The following E2F3 variants were observed in gnomAD, a reference collection of about 807,000 sequenced individuals.
E2F3 encodes transcription factor E2F3.
In E2F3, 11 loss-of-function variants were observed where a neutral mutation model predicts 44.4. The observed-to-expected ratio is 0.25, with a 90% CI of 0.16 to 0.41. E2F3 has a LOEUF of 0.41. E2F3 is among the 10% of genes least tolerant of loss of function. E2F3 has a pLI of 1.00. For synonymous variants in E2F3, 249 were observed against 253.0 expected (o/e 0.98, Z 0.15); for missense variants, 487 against 583.6 (o/e 0.83, Z 1.70).
chr6:20,453,157 C>A (rs903763545), intron 1 of E2F3, among the ~76,000 whole-genome samples: 1 of 151,914 alleles, frequency 6.6e-6, no homozygotes, highest in Non-Finnish European at 1.5e-5. Flanking sequence ...TCAAATTTTT[C>A]TTGGTTTATC....
Position 20,490,058 on chromosome 6 carries a change from A to G in E2F3, c.1136-110A>G, listed in dbSNP as rs1179731698. ...ATCATAAAGTCGTCTCATTGTCATT[A>G]TTTGCGGAAGGTACATGCTTTTTTC... On this transcript the variant is annotated intron_variant, in intron 6 of 6. Coordinates refer to ENST00000346618, the MANE Select transcript of E2F3 (RefSeq NM_001949.5). The surrounding 1 kb of genome is among the most constrained non-coding windows in gnomAD (Gnocchi z 4.3). The G allele has an allele frequency of 1.9e-5, 23 of 1,233,134 alleles. No individual in the cohort carries two copies. The highest frequency in any genetic ancestry group is 2.6e-5 in the Admixed American group (1 of 38,598). 76.4% of individuals were successfully genotyped at this position (1,233,134 alleles called of 1,614,324 possible). A position where few individuals can be genotyped will look rare whatever the true frequency, so the allele number is the denominator to read the frequency against.
At chr6:20,403,183 C>T (rs1291279987) in intron 1 of E2F3, among the ~76,000 whole-genome samples, 2 of 151,632 alleles carry the variant, frequency 1.3e-5, no homozygotes, top group African/African-American at 4.8e-5. Flanking sequence ...ATCTGTAACT[C>T]CCGGCAACAA....
At chr6:20,403,072 C>T (rs1371024612) in intron 1 of E2F3, among the ~76,000 whole-genome samples, 1 of 151,986 alleles carries the variant, frequency 6.6e-6, no homozygotes, top group Non-Finnish European at 1.5e-5. Context: ...TGTTGGGGTG[C>T]TAGCCCCCAG....
intron 1 of E2F3, among the ~76,000 whole-genome samples, chr6:20,460,996 CAAAAAAAAAAAAA>C (rs61306918): frequency 6.1e-4 from 34 of 55,500 alleles, no homozygotes; most frequent in African/African-American, 2.5e-3. Context: ...ACTCTATCTC[CAAAAAAAAAAAAA>C]AAAAAAAAAA....
chr6:20,481,444 C>T lies in E2F3; in HGVS notation c.725+19C>T, dbSNP rs1197528271. On this transcript the variant is annotated intron_variant, in intron 3 of 6. Transcript: ENST00000346618. ...AATGGATGTGAGTAGGAGTCCTCCC[C>T]ATGCCCCGGCTCTGAGGGGGTCGTT... 1.2e-6 allele frequency: 2 copies of T among 1,611,630 alleles called. No homozygotes were observed. Among genetic ancestry groups the T allele is most frequent in the South Asian group, 1.1e-5 (1 of 90,996 alleles).
Position 20,402,418 on chromosome 6 carries a change from C to G in E2F3, c.186C>G (p.Thr62=). 6.2e-7 allele frequency: 1 copy of G among 1,611,768 alleles called. No individual in the cohort carries two copies. Among genetic ancestry groups the G allele is most frequent in the Non-Finnish European group, 8.5e-7 (1 of 1,179,444 alleles). ...AAPGAYIQIL[T]TNTSTTSCSS... Reference sequence around the variant, plus strand: ...CGGGCGCGTACATCCAGATCCTCACCACGAACACTTCCACCACCTCCTGTT... The same window carrying G: ...CGGGCGCGTACATCCAGATCCTCACGACGAACACTTCCACCACCTCCTGTT... The change falls in exon 1 of 7, where the codon ACC becomes ACG. Residue 62 remains threonine, a synonymous_variant. Coordinates refer to ENST00000346618, the MANE Select transcript of E2F3 (RefSeq NM_001949.5). This position sits in a 1 kb window ranked among gnomAD's most constrained non-coding sequence, Gnocchi z 5.6.
chr6:20,436,496 A>G (rs34254372), intron 1 of E2F3, among the ~76,000 whole-genome samples: 59,159 of 112,632 alleles, frequency 0.53, 12,978 homozygotes, highest in Non-Finnish European at 0.67. Context: ...GAGAGAGAGA[A>G]AAATTTTGTA....
At chr6:20,405,317 ATG>A (rs1759455767) in intron 1 of E2F3, among the ~76,000 whole-genome samples, 1 of 151,094 alleles carries the variant, frequency 6.6e-6, no homozygotes, top group African/African-American at 2.4e-5. Context: ...TATGATTGCA[ATG>A]TATGCTGAAT....
rs574716025 is a variant in E2F3 at position 20,426,898 on chromosome 6, T to A, written c.393+24273T>A. Reference sequence around the variant, plus strand: ...ACTGTAGCTCCACTGTGCTGATATCTGTTGAAATTAGACCTAGAATCTAAA... The same window carrying A: ...ACTGTAGCTCCACTGTGCTGATATCAGTTGAAATTAGACCTAGAATCTAAA... On this transcript the variant is annotated intron_variant, in intron 1 of 6. Transcript: ENST00000346618. Among the ~76,000 whole-genome samples the A allele has an allele frequency of 3.9e-5, 6 of 152,358 alleles. No individual in the cohort carries two copies. The East Asian group carries it at 1.2e-3, about 29-fold the overall frequency.
In E2F3 at chr6:20,402,435, C is replaced by T. The variant is rs538615855; in HGVS notation, c.203C>T (p.Thr68Ile). Residue 68 changes from threonine (T) to isoleucine (I), a missense_variant, in exon 1 of 7, where the codon ACC becomes ATC. By Grantham distance (89) the Thr-to-Ile change is moderately conservative. Coordinates refer to ENST00000346618, the MANE Select transcript of E2F3 (RefSeq NM_001949.5). The surrounding 1 kb of genome is among the most constrained non-coding windows in gnomAD (Gnocchi z 5.6). ...ATCCTCACCACGAACACTTCCACCACCTCCTGTTCCTCCTCCCTCCAAAGC... is the reference window on the plus strand; with the variant it reads ...ATCCTCACCACGAACACTTCCACCATCTCCTGTTCCTCCTCCCTCCAAAGC... ...IQILTTNTSTTSCSSSLQSGA... is the reference protein window; with the variant it reads ...IQILTTNTSTISCSSSLQSGA... 6.5e-5 allele frequency: 105 copies of T among 1,611,610 alleles called. 1 individual carries two copies. The East Asian group carries it at 1.5e-3, about 23-fold the overall frequency.
At chr6:20,420,258 A>G (rs1039663510) in intron 1 of E2F3, among the ~76,000 whole-genome samples, 2 of 152,192 alleles carry the variant, frequency 1.3e-5, no homozygotes, top group Non-Finnish European at 2.9e-5. Flanking sequence ...GGGTGTGATT[A>G]TTGTCCACAT....
At chr6:20,429,172 C>T (rs1760314618) in intron 1 of E2F3, among the ~76,000 whole-genome samples, 1 of 152,196 alleles carries the variant, frequency 6.6e-6, no homozygotes, top group South Asian at 2.1e-4. Flanking sequence ...ACAAGTCTTG[C>T]TCTCAGATAA....
chr6:20,472,774 C>A (rs1289802937), intron 1 of E2F3, among the ~76,000 whole-genome samples: 4 of 152,164 alleles, frequency 2.6e-5, no homozygotes, highest in Admixed American at 1.3e-4. Context: ...ATACCTACCC[C>A]ACAATGCCAG....
At chr6:20,463,468 C>A (rs1286426315) in intron 1 of E2F3, among the ~76,000 whole-genome samples, 1 of 152,212 alleles carries the variant, frequency 6.6e-6, no homozygotes, top group East Asian at 1.9e-4. Flanking sequence ...TCGCCTAGAT[C>A]TGTTTTCCAT....
chr6:20,489,070 A>G (rs572950207), intron 6 of E2F3, among the ~76,000 whole-genome samples: 3 of 152,294 alleles, frequency 2.0e-5, no homozygotes, highest in African/African-American at 4.8e-5. Flanking sequence ...TTTGCAGTAT[A>G]TATTTTTCCA....
chr6:20,491,797 A>C lies in E2F3; in HGVS notation c.*1367A>C, dbSNP rs1424752313. On this transcript the variant is annotated 3_prime_UTR_variant, in exon 7 of 7. Transcript: ENST00000346618. ...CTCTATGAAGGAATAAGTTGGACCAAGGGAAGTCGGGGACGTAAAAAATGA... is the reference window on the plus strand; with the variant it reads ...CTCTATGAAGGAATAAGTTGGACCACGGGAAGTCGGGGACGTAAAAAATGA... The C allele has an allele frequency of 1.1e-5, 2 of 180,120 alleles. No individual in the cohort carries two copies. Among genetic ancestry groups the C allele is most frequent in the Non-Finnish European group, 2.4e-5 (2 of 83,836 alleles). 11.2% of individuals were successfully genotyped at this position (180,120 alleles called of 1,614,324 possible).
At chr6:20,459,292 A>G (rs1019534665) in intron 1 of E2F3, among the ~76,000 whole-genome samples, 5 of 152,246 alleles carry the variant, frequency 3.3e-5, no homozygotes, top group African/African-American at 1.2e-4. Flanking sequence ...AAAAAAGGTC[A>G]TATAGCCAGG....
intron 1 of E2F3, 26 bp from the exon 2 acceptor site, chr6:20,479,820 C>T (rs778392724): frequency 3.1e-5 from 49 of 1,586,840 alleles, no homozygotes; most frequent in South Asian, 2.3e-4. Flanking sequence ...TGACCGGTGA[C>T]GAGAGATCGC....
chr6:20,423,235 G>A (rs535695204), intron 1 of E2F3, among the ~76,000 whole-genome samples: 1 of 152,200 alleles, frequency 6.6e-6, no homozygotes, highest in African/African-American at 2.4e-5. Context: ...AAACCTCATG[G>A]TATAGCCTAC....
Sources: gnomAD v4.1 joint callset for allele counts (sites outside exome capture counted in the v4.1 genomes callset) on GRCh38, gnomAD v4.1.1 for gene constraint, Gnocchi (gnomAD v3.1) non-coding constraint, MANE v1.5 for transcripts, NCBI Gene and HGNC (gene_info 2026-07-23, HGNC 2026-07-21) for gene names.